AMTN: variants seen among roughly 807,000 people sequenced by gnomAD.
The protein encoded by AMTN is amelotin, also known as RSTI689.
Under a neutral mutation model 27.4 loss-of-function variants are expected in AMTN, and 29 were observed. The ratio of observed to expected loss-of-function variants is 1.06; its 90% CI spans 0.79 to 1.44. AMTN has a LOEUF of 1.44. Among genes scored for constraint, AMTN ranks in the 40% most tolerant of loss-of-function variants. The pLI is 0.00. For synonymous variants in AMTN, 86 were observed against 95.7 expected (o/e 0.90, Z 0.59); for missense variants, 247 against 248.8 (o/e 0.99, Z 0.05).
At chr4:70,520,763 C>G (rs1009376585) in intron 2 of AMTN, among the ~76,000 whole-genome samples, 3 of 152,004 alleles carry the variant, frequency 2.0e-5, no homozygotes, top group African/African-American at 7.3e-5. Flanking sequence ...ATGGAGCAGG[C>G]TGGTGGTGCA....
intron 2 of AMTN, among the ~76,000 whole-genome samples, chr4:70,519,913 C>CAT (rs1553922197): frequency 6.8e-6 from 1 of 147,112 alleles, no homozygotes; most frequent in African/African-American, 2.5e-5. Flanking sequence ...ATACTACATA[C>CAT]GTGTGTGTGT....
At chr4:70,522,066 G>T (rs774162300) in intron 2 of AMTN, among the ~76,000 whole-genome samples, 11 of 152,176 alleles carry the variant, frequency 7.2e-5, no homozygotes, top group Non-Finnish European at 4.4e-5. Flanking sequence ...AGCAAAAGCA[G>T]ATTTGGTCAA....
At chr4:70,523,611 TA>T (rs755631806) in intron 3 of AMTN, among the ~76,000 whole-genome samples, 8 of 152,216 alleles carry the variant, frequency 5.3e-5, no homozygotes, top group Non-Finnish European at 1.2e-4. Flanking sequence ...TAAATATTTA[TA>T]ATGTGATAAG....
At chr4:70,524,753 T>C in intron 4 of AMTN, 119 bp from the exon 5 acceptor site, 2 of 892,888 alleles carry the variant, frequency 2.2e-6, no homozygotes, top group South Asian at 2.9e-5. Flanking sequence ...TAGAACACTA[T>C]GTATTTACAT....
intron 5 of AMTN, among the ~76,000 whole-genome samples, chr4:70,528,522 C>A (rs1266649096): frequency 6.6e-6 from 1 of 151,990 alleles, no homozygotes; most frequent in East Asian, 1.9e-4. Flanking sequence ...TAGTAGCAGG[C>A]AACTGTAATC....
At position 70,531,222 on chromosome 4, in the gene AMTN, G is replaced by C. The variant is rs185210496; in HGVS notation, c.541G>C (p.Asp181His). Residue 181 changes from aspartate to histidine, a missense_variant, in exon 8 of 9, where the codon GAC becomes CAC. Physicochemically the swap from Asp to His is moderately conservative, Grantham distance 81 (BLOSUM62 -1). Transcript: ENST00000339336. ...RLPTPSGTDD[D>H]FAVTTPAGIQ... The stretch of plus-strand genomic sequence containing the variant: ...CCCAACTCCCAGTGGCACAGATGAC[G>C]ACTTTGCAGTGACCACCCCTGCAGG... 1 of 1,614,018 alleles carries C rather than the reference G, an allele frequency of 6.2e-7. No homozygotes were observed. The highest frequency in any genetic ancestry group is 2.2e-5 in the East Asian group (1 of 44,846).
At chr4:70,519,719 T>A (rs917747711) in intron 2 of AMTN, among the ~76,000 whole-genome samples, 2 of 152,120 alleles carry the variant, frequency 1.3e-5, no homozygotes, top group African/African-American at 4.8e-5. Context: ...AACTTTTTTT[T>A]TATTTTTACC....
rs758413257 is a variant in AMTN at position 70,524,967 on chromosome 4, T to C, written c.294+6T>C. The C allele has an allele frequency of 2.5e-6, 4 of 1,612,794 alleles. No individual in the cohort carries two copies. The highest frequency in any genetic ancestry group is 1.3e-5 in the African/African-American group (1 of 74,886). Reference sequence around the variant, plus strand: ...AACAGCAACTGCACCCACATGTAAGTTGAACAGCTGGACCTTAGTTTTAAC... The same window carrying C: ...AACAGCAACTGCACCCACATGTAAGCTGAACAGCTGGACCTTAGTTTTAAC... On this transcript the variant is annotated splice_donor_region_variant and intron_variant, in intron 5 of 8. Transcript: ENST00000339336.
chr4:70,520,538 C>A (rs1735931413), intron 2 of AMTN, among the ~76,000 whole-genome samples: 5 of 152,116 alleles, frequency 3.3e-5, no homozygotes, highest in Admixed American at 3.3e-4. Context: ...TAGAAGAAAA[C>A]AAGATTTTAT....
chr4:70,526,837 G>A (rs574766225), intron 5 of AMTN, among the ~76,000 whole-genome samples: 3 of 152,228 alleles, frequency 2.0e-5, no homozygotes, highest in Admixed American at 1.3e-4. Flanking sequence ...CATTTGCTGT[G>A]GGAATTCTTC....
chr4:70,532,540 TG>T lies in AMTN; in HGVS notation c.*77del. 1 of 1,314,804 alleles carries T rather than the reference TG, an allele frequency of 7.6e-7. No homozygotes were observed. The allele number at this position is 1,314,804 out of a possible 1,614,324, so 81.4% of individuals were successfully genotyped here. A position where few individuals can be genotyped will look rare whatever the true frequency, so the allele number is the denominator to read the frequency against. ...TGAATCTTTATCATTGATTATATTA[TG>T]GAATAGATTGAGACACATTGGATAG... On this transcript the variant is annotated 3_prime_UTR_variant, in exon 9 of 9. Coordinates refer to ENST00000339336, the MANE Select transcript of AMTN (RefSeq NM_212557.4).
intron 2 of AMTN, among the ~76,000 whole-genome samples, chr4:70,521,378 TA>T (rs58094819): frequency 0.64 from 72,989 of 114,764 alleles, 22,374 homozygotes; most frequent in Non-Finnish European, 0.67. Flanking sequence ...AGACTCCACT[TA>T]AAAAAAAAAA....
intron 5 of AMTN, among the ~76,000 whole-genome samples, chr4:70,526,740 A>C (rs963543692): frequency 2.0e-5 from 3 of 152,158 alleles, no homozygotes; most frequent in Non-Finnish European, 4.4e-5. Flanking sequence ...AAGTCAAGGC[A>C]TTAGTGGAGC....
At chr4:70,527,917 A>AT (rs1161870590) in intron 5 of AMTN, among the ~76,000 whole-genome samples, 2 of 152,190 alleles carry the variant, frequency 1.3e-5, no homozygotes, top group Non-Finnish European at 2.9e-5. Context: ...ACTAAGAGCT[A>AT]TACCAATGCC....
intron 8 of AMTN, among the ~76,000 whole-genome samples, chr4:70,531,978 A>T (rs183103253): frequency 1.3e-5 from 2 of 152,356 alleles, no homozygotes; most frequent in East Asian, 3.9e-4. Context: ...AATTGTTGGC[A>T]TAACACATGT....
At chr4:70,521,821 T>C (rs941161557) in intron 2 of AMTN, among the ~76,000 whole-genome samples, 4 of 151,996 alleles carry the variant, frequency 2.6e-5, no homozygotes, top group Non-Finnish European at 1.5e-5. Context: ...AGTTTCATCA[T>C]GTTAGCCAGG....
intron 2 of AMTN, among the ~76,000 whole-genome samples, chr4:70,521,315 G>A (rs1267198780): frequency 6.7e-6 from 1 of 149,840 alleles, no homozygotes; most frequent in Non-Finnish European, 1.5e-5. Context: ...GGGAGGTGGA[G>A]GTTGCAGTGA....
rs368432980 is a variant in AMTN at position 70,519,572 on chromosome 4, C to A, written c.54+741C>A. On this transcript the variant is annotated intron_variant, in intron 2 of 8. Transcript: ENST00000339336. Reference sequence around the variant, plus strand: ...CTCAATACTTCTGCATCCATTCGTACAATCAACAAATATTTATTAAAAACT... The same window carrying A: ...CTCAATACTTCTGCATCCATTCGTAAAATCAACAAATATTTATTAAAAACT... Among the ~76,000 whole-genome samples the A allele has an allele frequency of 4.1e-4, 62 of 152,160 alleles. No individual in the cohort carries two copies. In the South Asian group the frequency reaches 6.4e-3, roughly 16 times the overall value.
At position 70,518,751 on chromosome 4, in the gene AMTN, T is replaced by G; in HGVS notation, c.-15-12T>G. The G allele has an allele frequency of 1.3e-6, 2 of 1,549,206 alleles. No individual in the cohort carries two copies. Reference sequence around the variant, plus strand: ...AAATACATGGAAGAGTAACACTTTTTTGTTGTTGTAGGTAGCAATCTGAAA... The same window carrying G: ...AAATACATGGAAGAGTAACACTTTTGTGTTGTTGTAGGTAGCAATCTGAAA... On this transcript the variant is annotated splice_polypyrimidine_tract_variant and intron_variant, in intron 1 of 8. Transcript: ENST00000339336.
Sources: allele counts gnomAD v4.1 joint callset (sites outside exome capture counted in the v4.1 genomes callset), GRCh38; gene constraint gnomAD v4.1.1; transcripts MANE v1.5; gene names NCBI Gene and HGNC (gene_info 2026-07-23, HGNC 2026-07-21).